The following DRC11L variants were observed in gnomAD, a reference collection of about 807,000 sequenced individuals.
DRC11L encodes the protein dynein regulatory complex subunit 11 like.
At chr7:151,192,609 G>A in the DRC11L span, 1 of 398,610 alleles carries the variant, frequency 2.5e-6, no homozygotes, top group East Asian at 3.6e-5. Context: ...AGGAAACTAG[G>A]TGTGAGGAGT....
At chr7:151,196,577 T>C in the DRC11L span, 1 of 399,716 alleles carries the variant, frequency 2.5e-6, no homozygotes, top group Admixed American at 4.4e-5. Context: ...AATGGATGGA[T>C]GCGTGAAGGT....
At chr7:151,196,106 C>CA in the DRC11L span, 1 of 260,672 alleles carries the variant, frequency 3.8e-6, no homozygotes, top group Non-Finnish European at 7.3e-6. Context: ...ATGGGTGGGA[C>CA]ACGTCGTCAG....
chr7:151,195,684 G>A, the DRC11L span: 23 of 399,346 alleles, frequency 5.8e-5, no homozygotes, highest in South Asian at 2.6e-4. Flanking sequence ...GAGGTGTGGC[G>A]GGGTGGCCTG....
At chr7:151,199,753 C>T in the DRC11L span, among the ~76,000 whole-genome samples, 1 of 152,370 alleles carries the variant, frequency 6.6e-6, no homozygotes, top group African/African-American at 2.4e-5. The surrounding 1 kb of genome is among the most constrained non-coding windows in gnomAD (Gnocchi z 5.2). Flanking sequence ...AGCCAGGCCT[C>T]CAAAGGATCT....
the DRC11L span, chr7:151,204,808 G>A: frequency 2.5e-6 from 1 of 399,102 alleles, no homozygotes; most frequent in Non-Finnish European, 4.4e-6. Flanking sequence ...AGGGTCGCGT[G>A]GGAGGACTCC....
At chr7:151,199,401 T>G in the DRC11L span, among the ~76,000 whole-genome samples, 1 of 152,240 alleles carries the variant, frequency 6.6e-6, no homozygotes, top group Non-Finnish European at 1.5e-5. This position sits in a 1 kb window ranked among gnomAD's most constrained non-coding sequence, Gnocchi z 5.2. Context: ...AATATCACTC[T>G]GCGCAGAGAC....
the DRC11L span, among the ~76,000 whole-genome samples, chr7:151,195,071 T>A: frequency 2.6e-5 from 4 of 152,144 alleles, no homozygotes; most frequent in Non-Finnish European, 5.9e-5. Flanking sequence ...ACAAGTCCCT[T>A]AATGTCTCAG....
the DRC11L span, among the ~76,000 whole-genome samples, chr7:151,198,596 G>A: frequency 2.0e-4 from 31 of 152,292 alleles, no homozygotes; most frequent in Middle Eastern, 3.4e-3. Flanking sequence ...GTCAGGTGTG[G>A]AGATGGTCCT....
At chr7:151,194,496 C>T in the DRC11L span, 3 of 398,956 alleles carry the variant, frequency 7.5e-6, no homozygotes, top group Admixed American at 1.3e-4. Flanking sequence ...TGGGAACAGG[C>T]ATTCTGGGAG....
chr7:151,196,406 A>G, the DRC11L span: 3 of 399,110 alleles, frequency 7.5e-6, no homozygotes, highest in Non-Finnish European at 1.3e-5. Context: ...GGGAGGGTAC[A>G]GGGTGGTGGC....
chr7:151,193,374 G>C, the DRC11L span: 1 of 399,642 alleles, frequency 2.5e-6, no homozygotes, highest in Middle Eastern at 6.3e-4. Flanking sequence ...AGGTCGAACA[G>C]GTTGGCGCCA....
chr7:151,205,181 G>A, the DRC11L span, among the ~76,000 whole-genome samples: 1 of 152,126 alleles, frequency 6.6e-6, no homozygotes, highest in Non-Finnish European at 1.5e-5. Context: ...GGCAGCCCAC[G>A]GATGCTGCAG....
At chr7:151,200,822 A>G in the DRC11L span, among the ~76,000 whole-genome samples, 2 of 152,234 alleles carry the variant, frequency 1.3e-5, no homozygotes, top group African/African-American at 4.8e-5. Context: ...ACCCAGGCAC[A>G]TAGACACTGG....
the DRC11L span, among the ~76,000 whole-genome samples, chr7:151,200,755 A>T: frequency 6.6e-6 from 1 of 151,868 alleles, no homozygotes; most frequent in African/African-American, 2.4e-5. Context: ...CACCCTACAC[A>T]TTCCCTACAC....
chr7:151,202,678 C>A, the DRC11L span, among the ~76,000 whole-genome samples: 1 of 152,048 alleles, frequency 6.6e-6, no homozygotes, highest in African/African-American at 2.4e-5. Context: ...ATGGTGAAAC[C>A]CATCTCTACT....
the DRC11L span, chr7:151,197,856 G>T: frequency 2.5e-6 from 1 of 399,376 alleles, no homozygotes; most frequent in Non-Finnish European, 4.4e-6. Flanking sequence ...GATTGAGTAG[G>T]ATCCACCTGA....
At chr7:151,191,785 C>T in the DRC11L span, 10 of 399,086 alleles carry the variant, frequency 2.5e-5, no homozygotes, top group South Asian at 1.3e-4. Context: ...TGTGACCCGG[C>T]GTGTAGCCAT....
At chr7:151,192,390 G>A in the DRC11L span, 5 of 399,292 alleles carry the variant, frequency 1.3e-5, no homozygotes, top group South Asian at 1.3e-4. Context: ...AGCATCACAC[G>A]GTCTCCGGGA....
chr7:151,200,234 C>T, the DRC11L span: 2 of 397,594 alleles, frequency 5.0e-6, no homozygotes, highest in Middle Eastern at 6.3e-4. Flanking sequence ...TTCTGTCCTT[C>T]TGCCTCTTTC....
Sources: gnomAD v4.1 joint callset for allele counts (sites outside exome capture counted in the v4.1 genomes callset) on GRCh38, gnomAD v4.1.1 for gene constraint, Gnocchi (gnomAD v3.1) non-coding constraint, MANE v1.5 for transcripts, NCBI Gene and HGNC (gene_info 2026-07-23, HGNC 2026-07-21) for gene names.